Variants in TPO observed in about 807,000 individuals in gnomAD.
The protein encoded by TPO is thyroid microsomal antigen.
TPO carries 78 observed loss-of-function variants against 96.9 expected under a neutral mutation model. That is an observed-to-expected ratio of 0.81 (90% CI 0.67 to 0.97). The LOEUF is 0.97. TPO is among the 50% of genes least tolerant of loss of function. The pLI, the probability that TPO is intolerant of heterozygous loss-of-function variation, is 0.00. For synonymous variants in TPO, 547 were observed against 538.0 expected (o/e 1.02, Z -0.23); for missense variants, 1,252 against 1,274.8 (o/e 0.98, Z 0.27).
chr2:1,497,271 T>C (rs1184430109), intron 13 of TPO, among the ~76,000 whole-genome samples: 1 of 152,148 alleles, frequency 6.6e-6, no homozygotes, highest in East Asian at 1.9e-4. Context: ...GAGAGCAGGA[T>C]GGGGAGGCAC....
chr2:1,485,522 A>G (rs1471544439), intron 9 of TPO, among the ~76,000 whole-genome samples: 1 of 151,826 alleles, frequency 6.6e-6, no homozygotes, highest in Admixed American at 6.5e-5. Context: ...AGTCCCACCA[A>G]CAGTGTAAAA....
At chr2:1,529,359 TCCC>T (rs1320952861) in intron 15 of TPO, among the ~76,000 whole-genome samples, 7 of 60,226 alleles carry the variant, frequency 1.2e-4, no homozygotes, top group African/African-American at 1.6e-4. Context: ...CCTCCCCAAA[TCCC>T]CCCACTATGT....
intron 13 of TPO, among the ~76,000 whole-genome samples, chr2:1,498,301 TC>T (rs1672557500): frequency 6.6e-6 from 1 of 152,116 alleles, no homozygotes; most frequent in African/African-American, 2.4e-5. Flanking sequence ...GGGGTGCGGC[TC>T]CCGCCAAGTC....
chr2:1,535,539 T>A (rs1202966985), intron 15 of TPO, among the ~76,000 whole-genome samples: 1 of 40,064 alleles, frequency 2.5e-5, no homozygotes, highest in African/African-American at 9.6e-5. Context: ...CGTGTGCCAC[T>A]TCCCCAAATC....
In TPO at chr2:1,496,705, G is replaced by A; in HGVS notation, c.2326G>A (p.Gly776Ser). 6.2e-7 allele frequency: 1 copy of A among 1,614,150 alleles called. No individual in the cohort carries two copies. Among genetic ancestry groups the A allele is most frequent in the Non-Finnish European group, 8.5e-7 (1 of 1,180,038 alleles). Residue 776 changes from glycine to serine, a missense_variant, in exon 13 of 17, where the codon GGC (glycine) becomes AGC (serine). Gly to Ser is a moderately conservative substitution (Grantham distance 56). Coordinates refer to ENST00000329066, the MANE Select transcript of TPO (RefSeq NM_001206744.2). Reference sequence around the variant, plus strand: ...CTGCCGGCACGGGTATGAGCTCCAAGGCCGGGAGCAGCTCACTTGCACCCA... The same window carrying A: ...CTGCCGGCACGGGTATGAGCTCCAAAGCCGGGAGCAGCTCACTTGCACCCA... ...YSCRHGYELQ[G>S]REQLTCTQEG...
intron 1 of TPO, among the ~76,000 whole-genome samples, chr2:1,398,358 G>A (rs1573059747): frequency 6.6e-6 from 1 of 152,288 alleles, no homozygotes. Context: ...TGCCAGCTCT[G>A]GCACGGCTGG....
chr2:1,523,308 TG>T lies in TPO; in HGVS notation c.2618+6327del, dbSNP rs1467863689. Among the ~76,000 whole-genome samples, 94 of 52,538 alleles carry T rather than the reference TG, an allele frequency of 1.8e-3. 6 individuals are homozygous for T. Among genetic ancestry groups the T allele is most frequent in the African/African-American group, 7.1e-3 (84 of 11,908 alleles). 34.5% of individuals were successfully genotyped at this position (52,538 alleles called of 152,430 possible). ...GCAACCTCCCCAAATCCCCCCACTG[TG>T]AGCAACCTCCCCAAATCCCCCCACT... On this transcript the variant is annotated intron_variant, in intron 15 of 16. Transcript: ENST00000329066.
intron 1 of TPO, among the ~76,000 whole-genome samples, chr2:1,391,772 A>T (rs969011620): frequency 6.6e-6 from 1 of 152,026 alleles, no homozygotes; most frequent in African/African-American, 2.4e-5. Context: ...ATTCTCTTTG[A>T]AGCAATTGTG....
chr2:1,542,922 A>C lies in TPO; in HGVS notation c.*448A>C. On this transcript the variant is annotated 3_prime_UTR_variant, in exon 17 of 17. Coordinates refer to ENST00000329066, the MANE Select transcript of TPO (RefSeq NM_001206744.2). ...GCTTCCCTCTTCTCCTGGGAAGAGC[A>C]CTCCTGGCTTCCTGCAGGGCCGGTG... The C allele has an allele frequency of 3.9e-6, 1 of 258,300 alleles. No individual in the cohort carries two copies. The highest frequency in any genetic ancestry group is 1.0e-4 in the East Asian group (1 of 9,702). 16.0% of individuals were successfully genotyped at this position (258,300 alleles called of 1,614,324 possible). A position where few individuals can be genotyped will look rare whatever the true frequency, so the allele number is the denominator to read the frequency against.
At chr2:1,453,187 A>G (rs1386271297) in intron 5 of TPO, among the ~76,000 whole-genome samples, 1 of 152,208 alleles carries the variant, frequency 6.6e-6, no homozygotes, top group African/African-American at 2.4e-5. Flanking sequence ...TCACTTCTGA[A>G]ATCAGAAAAC....
chr2:1,519,649 G>C (rs1675053492), intron 15 of TPO, among the ~76,000 whole-genome samples: 1 of 152,114 alleles, frequency 6.6e-6, no homozygotes, highest in Non-Finnish European at 1.5e-5. Flanking sequence ...CCATGAAATA[G>C]ACTAAGCAAT....
intron 7 of TPO, among the ~76,000 whole-genome samples, chr2:1,460,242 T>C (rs1364863487): frequency 2.6e-5 from 4 of 152,156 alleles, no homozygotes; most frequent in Non-Finnish European, 5.9e-5. Flanking sequence ...GGCCCTAGTG[T>C]TATTCTTCAC....
chr2:1,477,213 A>G lies in TPO; in HGVS notation c.947A>G (p.Gln316Arg). The G allele has an allele frequency of 6.2e-7, 1 of 1,610,124 alleles. No individual in the cohort carries two copies. Among genetic ancestry groups the G allele is most frequent in the Non-Finnish European group, 8.5e-7 (1 of 1,179,040 alleles). ...CTGTCCACGGCCAACCCGCGGCAGC[A>G]GATGAACGGGTTGACCTCGTTCCTG... ...GNLSTANPRQQMNGLTSFLDA... is the reference protein window; with the variant it reads ...GNLSTANPRQRMNGLTSFLDA... The change falls in exon 8 of 17, where the codon CAG (glutamine) becomes CGG (arginine). Residue 316 changes from glutamine (Q) to arginine (R), a missense_variant. Gln to Arg is a conservative substitution (Grantham distance 43). Coordinates refer to ENST00000329066, the MANE Select transcript of TPO (RefSeq NM_001206744.2).
At chr2:1,463,335 A>C (rs148376148) in intron 7 of TPO, among the ~76,000 whole-genome samples, 22 of 152,362 alleles carry the variant, frequency 1.4e-4, no homozygotes, top group African/African-American at 5.0e-4. Flanking sequence ...GAGTAGCTCC[A>C]TAAACCCAAT....
At chr2:1,520,630 C>T (rs1377023294) in intron 15 of TPO, among the ~76,000 whole-genome samples, 1 of 152,244 alleles carries the variant, frequency 6.6e-6, no homozygotes, top group East Asian at 1.9e-4. Flanking sequence ...GGAGTTAACT[C>T]CATGAAACCA....
chr2:1,536,813 A>G (rs1330631580), intron 15 of TPO, among the ~76,000 whole-genome samples: 2 of 80,306 alleles, frequency 2.5e-5, no homozygotes, highest in Non-Finnish European at 5.1e-5. Flanking sequence ...AACCTCCCCA[A>G]ATCCCCCCCA....
intron 14 of TPO, among the ~76,000 whole-genome samples, chr2:1,504,334 G>A (rs536346618): frequency 2.6e-5 from 4 of 152,286 alleles, no homozygotes; most frequent in South Asian, 4.1e-4. Context: ...TGCATTGCCA[G>A]ACAAGGCCCA....
intron 9 of TPO, among the ~76,000 whole-genome samples, chr2:1,487,519 G>T (rs1013000074): frequency 6.6e-6 from 1 of 152,098 alleles, no homozygotes; most frequent in Non-Finnish European, 1.5e-5. Flanking sequence ...CAGATCACCA[G>T]GTCAGGAGAT....
intron 5 of TPO, among the ~76,000 whole-genome samples, chr2:1,437,638 G>A (rs1665714127): frequency 6.6e-6 from 1 of 152,224 alleles, no homozygotes; most frequent in South Asian, 2.1e-4. Context: ...CCACCTATCA[G>A]AGGGCAGTTT....
Sources: gnomAD v4.1 joint callset for allele counts (sites outside exome capture counted in the v4.1 genomes callset) on GRCh38, gnomAD v4.1.1 for gene constraint, MANE v1.5 for transcripts, NCBI Gene and HGNC (gene_info 2026-07-23, HGNC 2026-07-21) for gene names.